The following KCNQ5 variants were observed in gnomAD, a reference collection of about 807,000 sequenced individuals.
The protein encoded by KCNQ5 is potassium voltage-gated channel subfamily Q member 5, also known as potassium voltage-gated channel subfamily KQT member 5.
KCNQ5 carries 30 observed loss-of-function variants against 98.2 expected under a neutral mutation model. The ratio of observed to expected loss-of-function variants is 0.31; its 90% CI spans 0.23 to 0.41. KCNQ5 has a LOEUF of 0.41. Ranked by LOEUF, KCNQ5 falls within the 10% of genes least tolerant of loss-of-function variation. The pLI, the probability that KCNQ5 is intolerant of heterozygous loss-of-function variation, is 1.00. For missense variants in KCNQ5, 835 were observed against 1,182.5 expected, an observed-to-expected ratio of 0.71 and a Z score of 4.31; for synonymous variants, 458 against 449.4, an observed-to-expected ratio of 1.02 and a Z score of -0.24.
At chr6:72,913,331 C>A (rs1780016318) in intron 1 of KCNQ5, among the ~76,000 whole-genome samples, 1 of 151,956 alleles carries the variant, frequency 6.6e-6, no homozygotes, top group Non-Finnish European at 1.5e-5. Flanking sequence ...ATCTTCAAGG[C>A]CACTAGATCA....
At chr6:73,096,659 G>A (rs1774514935) in intron 5 of KCNQ5, among the ~76,000 whole-genome samples, 1 of 152,124 alleles carries the variant, frequency 6.6e-6, no homozygotes, top group South Asian at 2.1e-4. Flanking sequence ...TATATTTCTG[G>A]GGTAGAAAGT....
chr6:72,752,781 T>C (rs1771752140), intron 1 of KCNQ5, among the ~76,000 whole-genome samples: 1 of 152,136 alleles, frequency 6.6e-6, no homozygotes, highest in Non-Finnish European at 1.5e-5. Flanking sequence ...ACCTATCATA[T>C]TGTGTTTCTG....
chr6:73,051,734 A>AAAAAAAC (rs1772252391), intron 3 of KCNQ5, among the ~76,000 whole-genome samples: 1 of 93,996 alleles, frequency 1.1e-5, no homozygotes, highest in Admixed American at 1.1e-4. Flanking sequence ...AAAAAAAAAA[A>AAAAAAAC]AAAAAACTAT....
chr6:73,010,315 T>C (rs1002984786), intron 2 of KCNQ5, among the ~76,000 whole-genome samples: 16 of 151,924 alleles, frequency 1.1e-4, no homozygotes, highest in Non-Finnish European at 2.9e-5. Context: ...CCTTCTATGA[T>C]TAAAATATAT....
At chr6:72,732,767 A>T (rs1770621735) in intron 1 of KCNQ5, among the ~76,000 whole-genome samples, 1 of 152,216 alleles carries the variant, frequency 6.6e-6, no homozygotes, top group Non-Finnish European at 1.5e-5. Flanking sequence ...CAAAGAAAAG[A>T]GTACTAAAGA....
intron 1 of KCNQ5, chr6:72,987,734 C>T: frequency 1.9e-6 from 1 of 529,896 alleles, no homozygotes. Context: ...TCCAAGTTAG[C>T]CAAGCTGGAA....
intron 1 of KCNQ5, among the ~76,000 whole-genome samples, chr6:72,722,248 GTCCCTTTGC>G (rs1770008782): frequency 6.6e-6 from 1 of 152,194 alleles, no homozygotes; most frequent in Non-Finnish European, 1.5e-5. Flanking sequence ...AAGGCATACT[GTCCCTTTGC>G]TCCACTCTGT....
At chr6:72,710,316 A>G (rs1408480450) in intron 1 of KCNQ5, among the ~76,000 whole-genome samples, 2 of 152,246 alleles carry the variant, frequency 1.3e-5, no homozygotes, top group Non-Finnish European at 2.9e-5. Context: ...GTAAGTTCTT[A>G]CCATTCAGTA....
chr6:72,928,014 G>A (rs181092875), intron 1 of KCNQ5, among the ~76,000 whole-genome samples: 10 of 152,090 alleles, frequency 6.6e-5, no homozygotes, highest in African/African-American at 2.4e-4. Context: ...TACATGAAAA[G>A]GAGGGAAAAT....
intron 3 of KCNQ5, among the ~76,000 whole-genome samples, chr6:73,059,281 A>C (rs1225890869): frequency 6.6e-6 from 1 of 152,240 alleles, no homozygotes; most frequent in Non-Finnish European, 1.5e-5. Flanking sequence ...ATGAGGCTGG[A>C]GGCCATTCAC....
chr6:72,736,486 A>C (rs1009885014), intron 1 of KCNQ5, among the ~76,000 whole-genome samples: 40 of 148,394 alleles, frequency 2.7e-4, no homozygotes, highest in Admixed American at 9.0e-4. Context: ...TTATGCTTAC[A>C]TGTAAAAAAA....
At chr6:72,699,308 C>T (rs1046424038) in intron 1 of KCNQ5, among the ~76,000 whole-genome samples, 4 of 152,224 alleles carry the variant, frequency 2.6e-5, no homozygotes, top group Non-Finnish European at 4.4e-5. Flanking sequence ...GTTGATCAGA[C>T]GACTGCTCAG....
At chr6:73,030,660 G>C (rs1771103610) in intron 2 of KCNQ5, among the ~76,000 whole-genome samples, 1 of 152,202 alleles carries the variant, frequency 6.6e-6, no homozygotes, top group Non-Finnish European at 1.5e-5. Context: ...AGGAAGTCTA[G>C]AAGGAATTTG....
intron 1 of KCNQ5, among the ~76,000 whole-genome samples, chr6:72,703,063 AC>A (rs960304297): frequency 6.6e-6 from 1 of 152,052 alleles, no homozygotes; most frequent in Admixed American, 6.6e-5. Context: ...TGTTTCTGTC[AC>A]CCCACTGCTA....
At chr6:73,177,646 T>G (rs1294265199) in intron 11 of KCNQ5, among the ~76,000 whole-genome samples, 1 of 152,244 alleles carries the variant, frequency 6.6e-6, no homozygotes, top group Non-Finnish European at 1.5e-5. Flanking sequence ...ATCTACAAGC[T>G]GTTTAATCAT....
intron 6 of KCNQ5, among the ~76,000 whole-genome samples, chr6:73,111,103 T>C (rs1336356956): frequency 6.6e-6 from 1 of 152,256 alleles, no homozygotes; most frequent in African/African-American, 2.4e-5. Context: ...AAGTTGTATC[T>C]CCTGGCAGTA....
rs1391630913 is a variant in KCNQ5 at position 73,077,694 on chromosome 6, A to T, written c.793-68A>T. ...AAGTAGTAAAGTGAATAGAATCCTC[A>T]TAGAATTCTTTTTTCCTTTTTCAAA... On this transcript the variant is annotated intron_variant, in intron 4 of 13. Coordinates refer to ENST00000370398, the MANE Select transcript of KCNQ5 (RefSeq NM_019842.4). 6.3e-6 allele frequency: 9 copies of T among 1,430,286 alleles called. No homozygotes were observed. The East Asian group carries it at 2.1e-4, about 33-fold the overall frequency. The allele number at this position is 1,430,286 out of a possible 1,614,324, so 88.6% of individuals were successfully genotyped here.
chr6:72,868,219 A>T (rs540600839), intron 1 of KCNQ5, among the ~76,000 whole-genome samples: 1 of 152,172 alleles, frequency 6.6e-6, no homozygotes, highest in Non-Finnish European at 1.5e-5. Flanking sequence ...AGTTTCTTTT[A>T]AAAAAATTGA....
chr6:72,663,858 A>G (rs923783500), intron 1 of KCNQ5, among the ~76,000 whole-genome samples: 2 of 152,150 alleles, frequency 1.3e-5, no homozygotes, highest in African/African-American at 2.4e-5. Flanking sequence ...GTGTGTTGAC[A>G]GTGTGTCCTC....
Sources: gnomAD v4.1 joint callset for allele counts (sites outside exome capture counted in the v4.1 genomes callset) on GRCh38, gnomAD v4.1.1 for gene constraint, MANE v1.5 for transcripts, NCBI Gene and HGNC (gene_info 2026-07-23, HGNC 2026-07-21) for gene names.